ZNF469: variants seen among roughly 807,000 people sequenced by gnomAD.
The protein encoded by ZNF469 is zinc finger protein 469.
A neutral mutation model predicts 1.0 loss-of-function variants in ZNF469; 1 was observed. That is an observed-to-expected ratio of 1.00 (90% CI 0.35 to 4.73). The LOEUF (loss-of-function observed/expected upper bound fraction) is 4.73. Among genes scored for constraint, ZNF469 ranks in the 30% most tolerant of loss-of-function variants. The probability of loss-of-function intolerance (pLI) is 0.16; values close to 1 mark genes in which losing one functional copy is unlikely to be tolerated. For missense variants in ZNF469, 6,100 were observed against 5,356.3 expected (o/e 1.14, Z -4.33); for synonymous variants, 2,703 against 2,363.4 (o/e 1.14, Z -4.17).
chr16:88,277,690 CGGTT>C, the ZNF469 span, among the ~76,000 whole-genome samples: 1 of 114,042 alleles, frequency 8.8e-6, no homozygotes, highest in East Asian at 2.7e-4. Flanking sequence ...TATCAGTGCA[CGGTT>C]AGTGCTGCAC....
the ZNF469 span, among the ~76,000 whole-genome samples, chr16:88,239,688 TA>T: frequency 1.9e-4 from 1 of 5,216 alleles, no homozygotes; most frequent in African/African-American, 8.7e-4. Flanking sequence ...TATATATATA[TA>T]TATATATATA....
chr16:88,428,250 A>AGGCAGCAGGCCC lies in ZNF469; in HGVS notation c.784_795dup (p.Ser262_Gly265dup). ...CCGCCGAGCCGGAACCTATTCCCAA[A>AGGCAGCAGGCCC]GGCAGCAGGCCCGGCGGCAGCCCCA... is the stretch of plus-strand genomic sequence containing the variant. On this transcript the variant is annotated inframe_insertion, in exon 3 of 3. Transcript: ENST00000565624. The AGGCAGCAGGCCC allele has an allele frequency of 6.5e-7, 1 of 1,550,346 alleles. No homozygotes were observed. Among genetic ancestry groups the AGGCAGCAGGCCC allele is most frequent in the Non-Finnish European group, 8.7e-7 (1 of 1,146,928 alleles).
chr16:88,375,412 G>T, the ZNF469 span, among the ~76,000 whole-genome samples: 1 of 152,214 alleles, frequency 6.6e-6, no homozygotes, highest in African/African-American at 2.4e-5. Context: ...CAGGCATCTG[G>T]GCCACTTAGC....
the ZNF469 span, among the ~76,000 whole-genome samples, chr16:88,239,782 C>A: frequency 3.6e-5 from 5 of 138,606 alleles, no homozygotes; most frequent in African/African-American, 1.3e-4. Flanking sequence ...GGATGGTCTC[C>A]ATCTCCTGAC....
the ZNF469 span, among the ~76,000 whole-genome samples, chr16:88,170,821 T>C: frequency 6.6e-6 from 1 of 152,182 alleles, no homozygotes; most frequent in South Asian, 2.1e-4. This position sits in a 1 kb window ranked among gnomAD's most constrained non-coding sequence, Gnocchi z 4.2. Flanking sequence ...TTACTTTTAA[T>C]TTTTTGAGGA....
At chr16:88,305,929 C>G in the ZNF469 span, among the ~76,000 whole-genome samples, 3 of 152,198 alleles carry the variant, frequency 2.0e-5, no homozygotes, top group African/African-American at 7.2e-5. Context: ...CATGCACTCA[C>G]ACACTGTCAC....
In ZNF469 at chr16:88,433,812, C is replaced by T. The variant is rs1484958322; in HGVS notation, c.6342C>T (p.Ala2114=). 2.5e-5 allele frequency: 39 copies of T among 1,549,756 alleles called. No individual in the cohort carries two copies. Among genetic ancestry groups the T allele is most frequent in the Non-Finnish European group, 3.2e-5 (37 of 1,146,842 alleles). The change falls in exon 3 of 3, where the codon GCC becomes GCT. Residue 2114 remains alanine (A), a synonymous_variant. Coordinates refer to ENST00000565624, the MANE Select transcript of ZNF469 (RefSeq NM_001367624.2). ...APSVGDLAAC[A]PSPTSAAHMP... is the part of the protein sequence containing the mutation. ...CTGTCGGGGACCTGGCCGCCTGCGC[C>T]CCCTCACCCACTTCAGCCGCCCACA...
At chr16:88,118,385 G>C in the ZNF469 span, among the ~76,000 whole-genome samples, 2 of 152,216 alleles carry the variant, frequency 1.3e-5, no homozygotes, top group Non-Finnish European at 2.9e-5. Context: ...CTGAGGACGG[G>C]AGCCCTTTGG....
At chr16:88,168,617 C>A in the ZNF469 span, among the ~76,000 whole-genome samples, 1 of 152,210 alleles carries the variant, frequency 6.6e-6, no homozygotes, top group Admixed American at 6.5e-5. This position sits in a 1 kb window ranked among gnomAD's most constrained non-coding sequence, Gnocchi z 4.3. Flanking sequence ...TCATTTTGTC[C>A]CCATCTCCTC....
chr16:88,220,133 T>C, the ZNF469 span, among the ~76,000 whole-genome samples: 1 of 152,160 alleles, frequency 6.6e-6, no homozygotes, highest in Non-Finnish European at 1.5e-5. Context: ...CATGGCCCCA[T>C]GGTGGCCTCA....
chr16:88,307,913 C>T, the ZNF469 span, among the ~76,000 whole-genome samples: 1 of 152,230 alleles, frequency 6.6e-6, no homozygotes, highest in Non-Finnish European at 1.5e-5. Context: ...CATAGCCTAA[C>T]TCAAAGCCAC....
In ZNF469 at chr16:88,434,629, C is replaced by G; in HGVS notation, c.7159C>G (p.Arg2387Gly). The G allele has an allele frequency of 6.5e-7, 1 of 1,550,296 alleles. No homozygotes were observed. Among genetic ancestry groups the G allele is most frequent in the Non-Finnish European group, 8.7e-7 (1 of 1,146,930 alleles). Reference protein sequence around the residue: ...PEDPGTPETGRSGATKMPRVT... With the variant: ...PEDPGTPETGGSGATKMPRVT... ...GGACCCAGGGACCCCTGAGACCGGG[C>G]GCTCTGGTGCTACCAAGATGCCCAG... Residue 2387 changes from arginine to glycine, a missense_variant, in exon 3 of 3, where the codon CGC (arginine) becomes GGC (glycine). Coordinates refer to ENST00000565624, the MANE Select transcript of ZNF469 (RefSeq NM_001367624.2).
At chr16:88,145,617 TCTC>T in the ZNF469 span, among the ~76,000 whole-genome samples, 1 of 152,358 alleles carries the variant, frequency 6.6e-6, no homozygotes, top group East Asian at 1.9e-4. Context: ...TGGCAAGAAT[TCTC>T]CTCTCTGGCT....
the ZNF469 span, among the ~76,000 whole-genome samples, chr16:88,265,839 G>T: frequency 6.6e-6 from 1 of 152,250 alleles, no homozygotes; most frequent in Admixed American, 6.5e-5. Context: ...CCACTCCCTT[G>T]GCTGCCTCCA....
the ZNF469 span, among the ~76,000 whole-genome samples, chr16:88,119,662 C>T: frequency 1.3e-5 from 2 of 152,160 alleles, no homozygotes; most frequent in Admixed American, 6.5e-5. Context: ...CCGGGTCCAG[C>T]CGTTTGGGTG....
At chr16:88,267,681 A>G in the ZNF469 span, among the ~76,000 whole-genome samples, 1 of 150,860 alleles carries the variant, frequency 6.6e-6, no homozygotes, top group Non-Finnish European at 1.5e-5. Context: ...ATAAGGGCTG[A>G]GTGGAAATGG....
Position 88,434,250 on chromosome 16 carries a change from G to A in ZNF469, c.6780G>A (p.Lys2260=). ...LRIPEDSRKE[K]LWESPGRATS... ...TTCCAGAGGATTCCAGAAAAGAGAA[G>A]CTGTGGGAGTCTCCTGGCCGAGCCA... The change falls in exon 3 of 3, where the codon AAG becomes AAA. Residue 2260 remains lysine (K), a synonymous_variant. Transcript: ENST00000565624. The A allele has an allele frequency of 1.9e-6, 3 of 1,550,348 alleles. No individual in the cohort carries two copies. The highest frequency in any genetic ancestry group is 2.6e-6 in the Non-Finnish European group (3 of 1,146,964).
At position 88,431,742 on chromosome 16, in the gene ZNF469, C is replaced by A; in HGVS notation, c.4272C>A (p.Ser1424=). The A allele has an allele frequency of 6.5e-7, 1 of 1,550,076 alleles. No individual in the cohort carries two copies. The highest frequency in any genetic ancestry group is 8.7e-7 in the Non-Finnish European group (1 of 1,146,952). ...CLCQDGEDAG[S]LEPQLPRSPP... ...GCCAGGACGGCGAGGATGCCGGTTCCCTCGAGCCACAGCTGCCAAGGAGCC... is the reference window on the plus strand; with the variant it reads ...GCCAGGACGGCGAGGATGCCGGTTCACTCGAGCCACAGCTGCCAAGGAGCC... Residue 1424 remains serine, a synonymous_variant, in exon 3 of 3, where the codon TCC becomes TCA. Coordinates refer to ENST00000565624, the MANE Select transcript of ZNF469 (RefSeq NM_001367624.2).
At chr16:88,385,787 C>T (rs1375963067) in intron 1 of ZNF469, among the ~76,000 whole-genome samples, 1 of 152,120 alleles carries the variant, frequency 6.6e-6, no homozygotes, top group African/African-American at 2.4e-5. Context: ...GGTGAGTGAC[C>T]AAACCCCTCT....
Sources: allele counts gnomAD v4.1 joint callset (sites outside exome capture counted in the v4.1 genomes callset), GRCh38; gene constraint gnomAD v4.1.1; non-coding constraint Gnocchi (gnomAD v3.1); transcripts MANE v1.5; gene names NCBI Gene and HGNC (gene_info 2026-07-23, HGNC 2026-07-21).